The following LRP1B variants were observed in gnomAD, a reference collection of about 807,000 sequenced individuals.
The protein encoded by LRP1B is LDL receptor related protein 1B, also known as low-density lipoprotein receptor-related protein 1B.
LRP1B carries 217 observed loss-of-function variants against 556.6 expected under a neutral mutation model. The ratio of observed to expected loss-of-function variants is 0.39; its 90% CI spans 0.35 to 0.44. The LOEUF is 0.44. Ranked by LOEUF, LRP1B falls within the 20% of genes least tolerant of loss-of-function variation. The probability of loss-of-function intolerance (pLI) is 1.00; values close to 1 mark genes in which losing one functional copy is unlikely to be tolerated. For synonymous variants in LRP1B, 2,047 were observed against 1,865.8 expected, an observed-to-expected ratio of 1.10 and a Z score of -2.50; for missense variants, 5,053 against 5,620.8, an observed-to-expected ratio of 0.90 and a Z score of 3.23.
chr2:141,838,872 T>C (rs1697376789), intron 1 of LRP1B, among the ~76,000 whole-genome samples: 2 of 152,174 alleles, frequency 1.3e-5, no homozygotes, highest in Non-Finnish European at 2.9e-5. Context: ...TTCTCTGTTA[T>C]AGTACTATGA....
chr2:141,756,063 T>C (rs1402973921), intron 2 of LRP1B, among the ~76,000 whole-genome samples: 1 of 152,108 alleles, frequency 6.6e-6, no homozygotes, highest in African/African-American at 2.4e-5. Context: ...TTATTTATAA[T>C]TGGAACAAAT....
chr2:141,945,052 A>G (rs996500783), intron 1 of LRP1B, among the ~76,000 whole-genome samples: 1 of 152,072 alleles, frequency 6.6e-6, no homozygotes, highest in African/African-American at 2.4e-5. Context: ...GTTTTTAGTT[A>G]TATTTTTGTT....
chr2:140,439,585 C>T (rs1473615805), intron 66 of LRP1B, among the ~76,000 whole-genome samples: 1 of 152,026 alleles, frequency 6.6e-6, no homozygotes, highest in Non-Finnish European at 1.5e-5. Context: ...TATATTTTTA[C>T]AGATTCATAA....
chr2:141,843,049 CTA>C (rs1265377316), intron 1 of LRP1B, among the ~76,000 whole-genome samples: 2 of 152,074 alleles, frequency 1.3e-5, no homozygotes, highest in African/African-American at 4.8e-5. Context: ...AAAATGAAAC[CTA>C]GAGACCTTTT....
chr2:140,491,035 T>G (rs559394068), intron 57 of LRP1B, among the ~76,000 whole-genome samples: 1 of 152,126 alleles, frequency 6.6e-6, no homozygotes, highest in African/African-American at 2.4e-5. Context: ...TTAAAGTAGT[T>G]CTGTTATGTG....
chr2:140,939,826 T>C (rs1166369935), intron 20 of LRP1B, among the ~76,000 whole-genome samples: 1 of 151,512 alleles, frequency 6.6e-6, no homozygotes, highest in African/African-American at 2.4e-5. Flanking sequence ...CAGGTAAAAT[T>C]TTTTTTAGGA....
intron 7 of LRP1B, among the ~76,000 whole-genome samples, chr2:141,113,660 A>G (rs1460334878): frequency 6.6e-6 from 1 of 152,170 alleles, no homozygotes; most frequent in Admixed American, 6.6e-5. Flanking sequence ...GCTAAAATGT[A>G]TGGAAAGATG....
intron 3 of LRP1B, among the ~76,000 whole-genome samples, chr2:141,413,557 T>A (rs1690938955): frequency 6.6e-6 from 1 of 152,186 alleles, no homozygotes; most frequent in Admixed American, 6.5e-5. Context: ...AACATCAAGA[T>A]AATAAATTTG....
intron 32 of LRP1B, among the ~76,000 whole-genome samples, chr2:140,795,957 A>G (rs896032076): frequency 6.6e-6 from 1 of 152,070 alleles, no homozygotes; most frequent in African/African-American, 2.4e-5. Flanking sequence ...ATTAATATAA[A>G]ACACTCTGTT....
At chr2:141,369,521 A>G (rs969507844) in intron 3 of LRP1B, among the ~76,000 whole-genome samples, 8 of 152,288 alleles carry the variant, frequency 5.3e-5, no homozygotes, top group African/African-American at 1.9e-4. Context: ...AAACCCTCCC[A>G]TGAATCACAC....
rs971417404 is a variant in LRP1B, at chr2:141,013,706, G to C, written c.2230C>G (p.Leu744Val). Residue 744 changes from leucine (L) to valine (V), a missense_variant, in exon 14 of 91, where the codon CTG becomes GTG. Around this residue, in one of 5 missense-constraint regions of LRP1B, gnomAD observed 3,619 missense variants for 3,931.9 expected, o/e 0.92. Transcript: ENST00000389484. ...AACACATAATTTCCATGATGCGACA[G>C]TCCGAAAGGGTGGTTCAACTCTCTC... ...SGRELNHPFG[L>V]SHHGNYVFWT... is the part of the protein sequence containing the mutation. The C allele has an allele frequency of 6.3e-7, 1 of 1,599,062 alleles. No homozygotes were observed. The highest frequency in any genetic ancestry group is 1.1e-5 in the South Asian group (1 of 88,548).
At chr2:140,366,210 T>C (rs1558832607) in intron 71 of LRP1B, among the ~76,000 whole-genome samples, 2 of 151,640 alleles carry the variant, frequency 1.3e-5, no homozygotes, top group Non-Finnish European at 3.0e-5. Context: ...TAACCTGATC[T>C]AGAGAAGCCA....
At chr2:141,423,362 T>C (rs1398257966) in intron 3 of LRP1B, among the ~76,000 whole-genome samples, 1 of 148,476 alleles carries the variant, frequency 6.7e-6, no homozygotes, top group African/African-American at 2.5e-5. Context: ...GAGAGAGCAG[T>C]TAACTGGCAA....
chr2:140,568,332 G>T (rs1681202963), intron 43 of LRP1B, among the ~76,000 whole-genome samples: 1 of 151,112 alleles, frequency 6.6e-6, no homozygotes, highest in African/African-American at 2.4e-5. Context: ...CTAATTCCAT[G>T]AATAAAATAA....
At chr2:141,624,972 G>A (rs1012072554) in intron 2 of LRP1B, among the ~76,000 whole-genome samples, 7 of 152,038 alleles carry the variant, frequency 4.6e-5, no homozygotes, top group African/African-American at 1.4e-4. Flanking sequence ...GTTTCACTGT[G>A]TTAGCCAGGA....
intron 1 of LRP1B, among the ~76,000 whole-genome samples, chr2:142,052,866 A>G (rs564722308): frequency 6.6e-6 from 1 of 152,198 alleles, no homozygotes; most frequent in Non-Finnish European, 1.5e-5. Flanking sequence ...TAAGAACTCC[A>G]CAGGGGTAGT....
chr2:140,370,920 G>T, intron 70 of LRP1B, 78 bp from the exon 71 acceptor site: 1 of 1,448,998 alleles, frequency 6.9e-7, no homozygotes, highest in Non-Finnish European at 9.6e-7. Context: ...CATGCAGCTT[G>T]TAATACTAGA....
intron 3 of LRP1B, among the ~76,000 whole-genome samples, chr2:141,301,353 G>T (rs2105430303): frequency 6.6e-6 from 1 of 152,212 alleles, no homozygotes; most frequent in South Asian, 2.1e-4. Context: ...CAGTGAATAT[G>T]TTGTTTTAAA....
chr2:141,660,444 C>T (rs545623077), intron 2 of LRP1B, among the ~76,000 whole-genome samples: 8 of 152,004 alleles, frequency 5.3e-5, no homozygotes, highest in Non-Finnish European at 1.0e-4. Flanking sequence ...GGGAGTGGGG[C>T]GGCAGCCATC....
Sources: gnomAD v4.1 joint callset for allele counts (sites outside exome capture counted in the v4.1 genomes callset) on GRCh38, gnomAD v4.1.1 for gene constraint, gnomAD v4.1.1 regional missense constraint, MANE v1.5 for transcripts, NCBI Gene and HGNC (gene_info 2026-07-23, HGNC 2026-07-21) for gene names.